The following RPS6KB1 variants were observed in gnomAD, a reference collection of about 807,000 sequenced individuals.
The protein encoded by RPS6KB1 is ribosomal protein S6 kinase beta-1.
A neutral mutation model predicts 70.2 loss-of-function variants in RPS6KB1; 12 were observed. The observed-to-expected ratio is 0.17, with a 90% confidence interval of 0.11 to 0.28. The LOEUF (loss-of-function observed/expected upper bound fraction) is 0.28, where lower values mean the gene tolerates loss of function less well. Among genes scored for constraint, RPS6KB1 ranks in the 10% least tolerant of loss-of-function variants. The pLI is 1.00. For missense variants in RPS6KB1, 270 were observed against 646.6 expected (o/e 0.42, Z 6.32); for synonymous variants, 175 against 211.2 (o/e 0.83, Z 1.49).
At chr17:59,894,698 G>C (rs1315807142) in intron 1 of RPS6KB1, among the ~76,000 whole-genome samples, 1 of 152,114 alleles carries the variant, frequency 6.6e-6, no homozygotes, top group African/African-American at 2.4e-5. Context: ...TCAGCCTCCT[G>C]GGTTTAAGCG....
chr17:59,939,692 G>A (rs1023384492), intron 12 of RPS6KB1, among the ~76,000 whole-genome samples: 3 of 152,214 alleles, frequency 2.0e-5, no homozygotes, highest in Non-Finnish European at 2.9e-5. Flanking sequence ...ACATGGTCTG[G>A]TGTTGTACGA....
At chr17:59,910,688 C>T in intron 2 of RPS6KB1, 77 bp downstream of exon 2, 1 of 888,086 alleles carries the variant, frequency 1.1e-6, no homozygotes, top group Non-Finnish European at 1.8e-6. Context: ...TCGTAGCAAT[C>T]ATGTGATTCC....
In RPS6KB1 at chr17:59,936,523, C is replaced by A; in HGVS notation, c.1101C>A (p.Pro367=). 6.2e-7 allele frequency: 1 copy of A among 1,613,240 alleles called. No individual in the cohort carries two copies. The highest frequency in any genetic ancestry group is 8.5e-7 in the Non-Finnish European group (1 of 1,179,270). The stretch of plus-strand genomic sequence containing the variant: ...AACTTCTGGCTCGAAAGGTGGAGCC[C>A]CCCTTTAAACCTCTGTTGGTAAGTA... The part of the protein sequence containing the change: ...WEELLARKVE[P]PFKPLLQSEE... The change falls in exon 12 of 15, where the codon CCC becomes CCA. Residue 367 remains proline (P), a synonymous_variant. Coordinates refer to ENST00000225577, the MANE Select transcript of RPS6KB1 (RefSeq NM_003161.4).
intron 5 of RPS6KB1, among the ~76,000 whole-genome samples, chr17:59,927,537 G>T (rs575980423): frequency 6.7e-6 from 1 of 148,232 alleles, no homozygotes; most frequent in African/African-American, 2.5e-5. Flanking sequence ...ATGGAGTTTC[G>T]CTCTTCTCTC....
At chr17:59,919,296 A>G (rs1394039961) in intron 4 of RPS6KB1, among the ~76,000 whole-genome samples, 1 of 152,108 alleles carries the variant, frequency 6.6e-6, no homozygotes, top group African/African-American at 2.4e-5. Flanking sequence ...AGGCTGAGGC[A>G]GGTTGATCAC....
chr17:59,930,154 A>C lies in RPS6KB1; in HGVS notation c.567A>C (p.Ile189=). The C allele has an allele frequency of 2.0e-6, 3 of 1,533,370 alleles. No individual in the cohort carries two copies. Among genetic ancestry groups the C allele is most frequent in the Non-Finnish European group, 2.7e-6 (3 of 1,106,498 alleles). The allele number at this position is 1,533,370 out of a possible 1,614,324, so 95.0% of individuals were successfully genotyped here. A position where few individuals can be genotyped will look rare whatever the true frequency, so the allele number is the denominator to read the frequency against. The change falls in exon 6 of 15, where the codon ATA becomes ATC. Residue 189 remains isoleucine, a synonymous_variant. Coordinates refer to ENST00000225577, the MANE Select transcript of RPS6KB1 (RefSeq NM_003161.4). The part of the protein sequence containing the change: ...ELFMQLEREG[I]FMEDTACFYL... ...TTATGCAGTTAGAAAGAGAGGGAATATTTATGGAAGACACTGCCTGGTAAG... is the reference window on the plus strand; with the variant it reads ...TTATGCAGTTAGAAAGAGAGGGAATCTTTATGGAAGACACTGCCTGGTAAG...
At chr17:59,903,198 C>T (rs1203395622) in intron 1 of RPS6KB1, among the ~76,000 whole-genome samples, 3 of 151,444 alleles carry the variant, frequency 2.0e-5, no homozygotes, top group African/African-American at 7.3e-5. Context: ...CCCAGCTACT[C>T]AGGAGGCTGA....
At chr17:59,911,728 A>G (rs532369780) in intron 2 of RPS6KB1, among the ~76,000 whole-genome samples, 11 of 151,866 alleles carry the variant, frequency 7.2e-5, no homozygotes, top group African/African-American at 2.7e-4. Context: ...TATTTTTAAT[A>G]GAGACGGGGT....
intron 1 of RPS6KB1, among the ~76,000 whole-genome samples, chr17:59,903,043 G>T (rs966479350): frequency 6.6e-6 from 1 of 151,792 alleles, no homozygotes; most frequent in East Asian, 1.9e-4. Context: ...GCTGGGCATG[G>T]TGGCCTGTAT....
At chr17:59,915,775 CTT>C (rs71370143) in intron 4 of RPS6KB1, among the ~76,000 whole-genome samples, 3 of 77,920 alleles carry the variant, frequency 3.9e-5, no homozygotes, top group African/African-American at 6.4e-5. Context: ...CTACTGCTAT[CTT>C]TTTTTTTTTT....
At chr17:59,895,316 G>A (rs1291082565) in intron 1 of RPS6KB1, among the ~76,000 whole-genome samples, 1 of 120,674 alleles carries the variant, frequency 8.3e-6, no homozygotes, top group Non-Finnish European at 1.7e-5. Context: ...CACTGCGCCT[G>A]GCTTTTTTTT....
At chr17:59,914,593 C>T in intron 3 of RPS6KB1, 42 bp from the exon 4 acceptor site, 1 of 1,420,412 alleles carries the variant, frequency 7.0e-7, no homozygotes, top group Non-Finnish European at 9.9e-7. Context: ...GTATGCCTGA[C>T]ATAGTTTGCC....
intron 3 of RPS6KB1, among the ~76,000 whole-genome samples, chr17:59,913,042 A>G (rs778098671): frequency 6.6e-6 from 1 of 152,226 alleles, no homozygotes; most frequent in Non-Finnish European, 1.5e-5. Context: ...TAGAATACAT[A>G]AATAGACAAC....
At chr17:59,912,474 C>T in intron 2 of RPS6KB1, 1 of 455,752 alleles carries the variant, frequency 2.2e-6, no homozygotes, top group South Asian at 3.1e-5. Flanking sequence ...AATTGATTGC[C>T]CATTCTATGA....
At chr17:59,900,373 C>T (rs1406875581) in intron 1 of RPS6KB1, among the ~76,000 whole-genome samples, 1 of 150,954 alleles carries the variant, frequency 6.6e-6, no homozygotes, top group Non-Finnish European at 1.5e-5. Context: ...TTTTCTTTTT[C>T]TTTTTTTTTG....
In RPS6KB1 at chr17:59,915,255, C is replaced by T. The variant is rs548691901; in HGVS notation, c.381+552C>T. On this transcript the variant is annotated intron_variant, in intron 4 of 14. Coordinates refer to ENST00000225577, the MANE Select transcript of RPS6KB1 (RefSeq NM_003161.4). ...CCACCTGCCTCGGCATCCCAAAGTG[C>T]AGGGATTACAGGCATGAGCCACCGC... Among the ~76,000 whole-genome samples the T allele has an allele frequency of 5.3e-5, 8 of 152,110 alleles. No homozygotes were observed. The South Asian group carries it at 8.3e-4, about 16-fold the overall frequency.
chr17:59,931,878 G>A (rs1049473450), intron 7 of RPS6KB1, among the ~76,000 whole-genome samples, 156 bp downstream of exon 7: 13 of 152,092 alleles, frequency 8.5e-5, no homozygotes, highest in Non-Finnish European at 1.5e-4. Flanking sequence ...GATATTTTAA[G>A]TCTTTAGGTA....
At chr17:59,898,757 A>T (rs2041722325) in intron 1 of RPS6KB1, among the ~76,000 whole-genome samples, 1 of 150,040 alleles carries the variant, frequency 6.7e-6, no homozygotes, top group Admixed American at 6.7e-5. Context: ...GTGCCCGGCC[A>T]GCAGCAACTA....
At chr17:59,901,518 G>A (rs1388131097) in intron 1 of RPS6KB1, among the ~76,000 whole-genome samples, 1 of 150,208 alleles carries the variant, frequency 6.7e-6, no homozygotes, top group African/African-American at 2.4e-5. Flanking sequence ...GGCTGGGCAT[G>A]GTGGCTTACG....
Sources: allele counts gnomAD v4.1 joint callset (sites outside exome capture counted in the v4.1 genomes callset), GRCh38; gene constraint gnomAD v4.1.1; transcripts MANE v1.5; gene names NCBI Gene and HGNC (gene_info 2026-07-23, HGNC 2026-07-21).